Variants in WDR3 observed in about 807,000 individuals in gnomAD.
WDR3 encodes the protein WD repeat-containing protein 3.
In WDR3, 81 loss-of-function variants were observed where a neutral mutation model predicts 123.7. The observed-to-expected ratio is 0.65, with a 90% CI of 0.55 to 0.79. The LOEUF (loss-of-function observed/expected upper bound fraction) is 0.79. Among genes scored for constraint, WDR3 ranks in the 30% least tolerant of loss-of-function variants. The probability of loss-of-function intolerance (pLI) is 0.00; values close to 1 mark genes in which losing one functional copy is unlikely to be tolerated. For missense variants in WDR3, 1,027 were observed against 1,123.2 expected (o/e 0.91, Z 1.22); for synonymous variants, 390 against 388.8 (o/e 1.00, Z -0.04).
In WDR3 at chr1:117,962,585, T is replaced by A. The variant is rs930833615; in HGVS notation, c.*3138T>A. 1 of 150,850 alleles carries A rather than the reference T, an allele frequency of 6.6e-6. No homozygotes were observed. Among genetic ancestry groups the A allele is most frequent in the Non-Finnish European group, 1.5e-5 (1 of 67,866 alleles). 9.3% of individuals were successfully genotyped at this position (150,850 alleles called of 1,614,324 possible). A position where few individuals can be genotyped will look rare whatever the true frequency, so the allele number is the denominator to read the frequency against. ...AGGCTCTTGAATGATGTATTGGGAG[T>A]AAAACATTTAGGCTTATTTTTAAAA... On this transcript the variant is annotated 3_prime_UTR_variant, in exon 27 of 27. Transcript: ENST00000349139.
At chr1:117,935,368 A>G (rs1423849983) in intron 3 of WDR3, among the ~76,000 whole-genome samples, 6 of 152,106 alleles carry the variant, frequency 3.9e-5, no homozygotes, top group Non-Finnish European at 5.9e-5. Context: ...AAATTTGGGA[A>G]GAAAAGAATA....
In WDR3 at chr1:117,961,309, C is replaced by T. The variant is rs2101365797; in HGVS notation, c.*1862C>T. ...CAAAATAATAATAGTAAAAAAAAATCTGTATAACAGTGGAGCCAAGTGGTT... is the reference window on the plus strand; with the variant it reads ...CAAAATAATAATAGTAAAAAAAAATTTGTATAACAGTGGAGCCAAGTGGTT... On this transcript the variant is annotated 3_prime_UTR_variant, in exon 27 of 27. Transcript: ENST00000349139. The T allele has an allele frequency of 2.0e-5, 3 of 152,108 alleles. No individual in the cohort carries two copies. In the East Asian group the frequency reaches 5.8e-4, roughly 29 times the overall value. The allele number at this position is 152,108 out of a possible 1,614,324, so 9.4% of individuals were successfully genotyped here.
intron 13 of WDR3, among the ~76,000 whole-genome samples, chr1:117,949,308 C>T (rs1216011908): frequency 6.6e-6 from 1 of 152,070 alleles, no homozygotes; most frequent in South Asian, 2.1e-4. Flanking sequence ...GTACTTTACA[C>T]TAACACTGCC....
At position 117,959,500 on chromosome 1, in the gene WDR3, T is replaced by C; in HGVS notation, c.*53T>C. The C allele has an allele frequency of 6.0e-6, 9 of 1,503,618 alleles. No individual in the cohort carries two copies. Among genetic ancestry groups the C allele is most frequent in the Non-Finnish European group, 8.0e-6 (9 of 1,123,902 alleles). 93.1% of individuals were successfully genotyped at this position (1,503,618 alleles called of 1,614,324 possible). On this transcript the variant is annotated 3_prime_UTR_variant, in exon 27 of 27. Transcript: ENST00000349139. ...TCAACTTTTTCCTTTAAAGGACTCC[T>C]AAACTAAGCACAGAAGAGTTGGCGT...
chr1:117,934,997 A>C (rs1038639528), intron 3 of WDR3, among the ~76,000 whole-genome samples: 1 of 152,256 alleles, frequency 6.6e-6, no homozygotes, highest in Non-Finnish European at 1.5e-5. Flanking sequence ...AAGAAGAGAC[A>C]AAATAATTAT....
At chr1:117,949,939 A>T in intron 14 of WDR3, 56 bp from the exon 15 acceptor site, 1 of 1,611,560 alleles carries the variant, frequency 6.2e-7, no homozygotes, top group Non-Finnish European at 8.5e-7. Context: ...AAGAGTTAGG[A>T]TTTGTCTGAA....
chr1:117,953,339 G>A, intron 20 of WDR3, 137 bp from the exon 21 acceptor site: 1 of 844,668 alleles, frequency 1.2e-6, no homozygotes, highest in Non-Finnish European at 1.9e-6. Flanking sequence ...GCTAAGTTCT[G>A]TTACTGGTAG....
intron 19 of WDR3, 94 bp from the exon 20 acceptor site, chr1:117,952,852 G>A (rs1022238834): frequency 6.7e-7 from 1 of 1,492,018 alleles, no homozygotes; most frequent in African/African-American, 1.4e-5. Flanking sequence ...AGGGTATTAT[G>A]TTGTCAAAGG....
At position 117,943,021 on chromosome 1, in the gene WDR3, C is replaced by T. The variant is rs544223747; in HGVS notation, c.1098-375C>T. On this transcript the variant is annotated intron_variant, in intron 10 of 26. Coordinates refer to ENST00000349139, the MANE Select transcript of WDR3 (RefSeq NM_006784.3). The stretch of plus-strand genomic sequence containing the variant: ...AGGCTGGAGTGCAGTGGCATGATCT[C>T]GGCTCAGTGCAACCTCCATCTCTCA... Among the ~76,000 whole-genome samples the T allele has an allele frequency of 9.2e-5, 14 of 151,358 alleles. No individual in the cohort carries two copies. The South Asian group carries it at 2.5e-3, about 27-fold the overall frequency.
chr1:117,932,246 A>G (rs552423584), intron 1 of WDR3, among the ~76,000 whole-genome samples: 5 of 152,366 alleles, frequency 3.3e-5, no homozygotes, highest in South Asian at 4.1e-4. Context: ...AAGTTGCTCA[A>G]CCATTTTCTA....
Position 117,960,354 on chromosome 1 carries a change from A to G in WDR3, c.*907A>G, listed in dbSNP as rs956702516. ...TATTGTATACTGTATTCTTAAAGTA[A>G]GCTAGAGAAAAGAAAATGTTACTTA... On this transcript the variant is annotated 3_prime_UTR_variant, in exon 27 of 27. Coordinates refer to ENST00000349139, the MANE Select transcript of WDR3 (RefSeq NM_006784.3). 2.0e-5 allele frequency: 3 copies of G among 152,192 alleles called. No individual in the cohort carries two copies. The East Asian group carries it at 5.8e-4, about 29-fold the overall frequency. 9.4% of individuals were successfully genotyped at this position (152,192 alleles called of 1,614,324 possible).
intron 13 of WDR3, among the ~76,000 whole-genome samples, chr1:117,949,020 A>G (rs142585001): frequency 3.0e-4 from 45 of 152,146 alleles, no homozygotes; most frequent in African/African-American, 1.1e-3. Flanking sequence ...ATTTTGGCCC[A>G]TTTATTTAAA....
rs748836858 is a variant in WDR3, at chr1:117,952,633, C to G, written c.2122C>G (p.Pro708Ala). The G allele has an allele frequency of 7.4e-6, 12 of 1,613,196 alleles. 1 individual carries two copies. In the South Asian group the frequency reaches 1.1e-4, roughly 15 times the overall value. Residue 708 changes from proline to alanine, a missense_variant, in exon 19 of 27, where the codon CCT becomes GCT. Physicochemically the swap from Pro to Ala is conservative, Grantham distance 27. Transcript: ENST00000349139. Reference protein sequence around the residue: ...SLRLWERTREPLILEEEREME... With the variant: ...SLRLWERTREALILEEEREME... Reference sequence around the variant, plus strand: ...GAGACTTTGGGAGAGAACAAGGGAGCCTCTTATTCTTGAGGAAGAAAGGGA... The same window carrying G: ...GAGACTTTGGGAGAGAACAAGGGAGGCTCTTATTCTTGAGGAAGAAAGGGA...
At chr1:117,957,257 A>C (rs557249077) in intron 25 of WDR3, 61 bp downstream of exon 25, 3 of 1,539,524 alleles carry the variant, frequency 1.9e-6, no homozygotes, top group Non-Finnish European at 2.6e-6. Context: ...GTAGTACCTT[A>C]ACTGAAGCTG....
intron 1 of WDR3, 94 bp from the exon 2 acceptor site, chr1:117,933,194 A>T: frequency 9.3e-7 from 1 of 1,080,200 alleles, no homozygotes; most frequent in African/African-American, 1.6e-5. Flanking sequence ...ACAGAGTGAG[A>T]CTCTGTCTCA....
In WDR3 at chr1:117,952,377, C is replaced by T. The variant is rs773145931; in HGVS notation, c.1985C>T (p.Ala662Val). 6.2e-7 allele frequency: 1 copy of T among 1,613,286 alleles called. No homozygotes were observed. Among genetic ancestry groups the T allele is most frequent in the South Asian group, 1.1e-5 (1 of 90,992 alleles). The change falls in exon 18 of 27, where the codon GCA (alanine) becomes GTA (valine). Residue 662 changes from alanine (A) to valine (V), a missense_variant. Physicochemically the swap from Ala to Val is moderately conservative, Grantham distance 64. Transcript: ENST00000349139. ...GKDHKIKQWDADKFEHIQTLE... is the reference protein window; with the variant it reads ...GKDHKIKQWDVDKFEHIQTLE... ...GATCATAAGATTAAACAGTGGGATG[C>T]AGACAAATTTGAACACATACAGACT...
chr1:117,935,816 T>A (rs564383133), intron 3 of WDR3, among the ~76,000 whole-genome samples: 1 of 152,010 alleles, frequency 6.6e-6, no homozygotes, highest in East Asian at 1.9e-4. Context: ...CTTGAAACAT[T>A]TGTACATTAA....
intron 9 of WDR3, 35 bp downstream of exon 9, chr1:117,941,882 T>C: frequency 6.4e-7 from 1 of 1,567,700 alleles, no homozygotes; most frequent in Admixed American, 2.0e-5. Context: ...AATAATGAAG[T>C]ATCCTGGGTA....
chr1:117,933,695 A>T, intron 2 of WDR3: 1 of 643,744 alleles, frequency 1.6e-6, no homozygotes. Flanking sequence ...ACCACAATGA[A>T]ATAGGAGCTT....
Sources: gnomAD v4.1 joint callset for allele counts (sites outside exome capture counted in the v4.1 genomes callset) on GRCh38, gnomAD v4.1.1 for gene constraint, MANE v1.5 for transcripts, NCBI Gene and HGNC (gene_info 2026-07-23, HGNC 2026-07-21) for gene names.